CARMIL1: variants seen among roughly 807,000 people sequenced by gnomAD.
The protein encoded by CARMIL1 is F-actin-uncapping protein LRRC16A.
A neutral mutation model predicts 177.1 loss-of-function variants in CARMIL1; 90 were observed. That is an observed-to-expected ratio of 0.51 (90% CI 0.43 to 0.61). CARMIL1 has a LOEUF of 0.61. CARMIL1 is among the 20% of genes least tolerant of loss of function. The pLI is 0.00. For synonymous variants in CARMIL1, 577 were observed against 606.2 expected, an observed-to-expected ratio of 0.95 and a Z score of 0.71; for missense variants, 1,380 against 1,667.0, an observed-to-expected ratio of 0.83 and a Z score of 3.00.
chr6:25,489,979 A>G (rs1399008591), intron 13 of CARMIL1, among the ~76,000 whole-genome samples: 4 of 152,208 alleles, frequency 2.6e-5, no homozygotes, highest in African/African-American at 9.7e-5. Flanking sequence ...TAAAATAGGA[A>G]CATTAATAGT....
At chr6:25,526,278 G>T (rs1446783590) in intron 23 of CARMIL1, among the ~76,000 whole-genome samples, 1 of 151,988 alleles carries the variant, frequency 6.6e-6, no homozygotes, top group South Asian at 2.1e-4. Flanking sequence ...GGGGGGTGGA[G>T]CTTGCAGTGA....
At chr6:25,371,109 C>G (rs1480112103) in intron 2 of CARMIL1, among the ~76,000 whole-genome samples, 1 of 152,186 alleles carries the variant, frequency 6.6e-6, no homozygotes, top group Admixed American at 6.5e-5. Context: ...TGTTTTATGT[C>G]TGAGTAGTAT....
chr6:25,293,931 A>C (rs200103705), intron 2 of CARMIL1, among the ~76,000 whole-genome samples: 81 of 152,338 alleles, frequency 5.3e-4, no homozygotes, highest in Non-Finnish European at 1.0e-3. Context: ...CATGTTGCCC[A>C]GGCTGGTCTT....
intron 31 of CARMIL1, among the ~76,000 whole-genome samples, chr6:25,590,503 T>C (rs1483140930): frequency 1.3e-5 from 2 of 152,202 alleles, no homozygotes; most frequent in African/African-American, 4.8e-5. Flanking sequence ...ATAAAATTGA[T>C]TGGGAAGCTC....
In CARMIL1 at chr6:25,515,949, A is replaced by G. The variant is rs1805948275; in HGVS notation, c.1805+102A>G. ...GGGCCCGAGGGGACCTGGGCTTCCC[A>G]TGAGGCCATCTTGAGGAGAAGAGGT... On this transcript the variant is annotated intron_variant, in intron 21 of 36. Transcript: ENST00000329474. The surrounding 1 kb of genome is among the most constrained non-coding windows in gnomAD (Gnocchi z 5.0). 3 of 1,173,742 alleles carry G rather than the reference A, an allele frequency of 2.6e-6. No homozygotes were observed. Among genetic ancestry groups the G allele is most frequent in the East Asian group, 5.3e-5 (2 of 38,026 alleles). 72.7% of individuals were successfully genotyped at this position (1,173,742 alleles called of 1,614,324 possible). A position where few individuals can be genotyped will look rare whatever the true frequency, so the allele number is the denominator to read the frequency against.
intron 2 of CARMIL1, among the ~76,000 whole-genome samples, chr6:25,317,739 C>A (rs1784388875): frequency 6.6e-6 from 1 of 151,376 alleles, no homozygotes; most frequent in African/African-American, 2.4e-5. Flanking sequence ...AAAAAAAATT[C>A]TTTTTTGTAG....
chr6:25,316,660 C>T (rs1784300184), intron 2 of CARMIL1, among the ~76,000 whole-genome samples: 1 of 152,114 alleles, frequency 6.6e-6, no homozygotes, highest in South Asian at 2.1e-4. Context: ...GATCTGCCTG[C>T]CTCGGCCTCC....
intron 2 of CARMIL1, among the ~76,000 whole-genome samples, chr6:25,341,958 G>A (rs961410161): frequency 3.3e-5 from 5 of 152,170 alleles, no homozygotes; most frequent in African/African-American, 9.7e-5. Context: ...ACTTTGGTGC[G>A]GAAAAGTTTG....
At chr6:25,512,894 A>G (rs1017190801) in intron 20 of CARMIL1, among the ~76,000 whole-genome samples, 2 of 152,206 alleles carry the variant, frequency 1.3e-5, no homozygotes, top group Non-Finnish European at 2.9e-5. Flanking sequence ...GCCTGAAGCC[A>G]GGAGACAGAT....
intron 24 of CARMIL1, among the ~76,000 whole-genome samples, chr6:25,534,457 TTTTG>T (rs1381181662): frequency 2.0e-5 from 3 of 152,110 alleles, no homozygotes; most frequent in Non-Finnish European, 4.4e-5. Context: ...GGGTTTGTTC[TTTTG>T]TTTAACGATC....
At chr6:25,340,108 T>C (rs1037274666) in intron 2 of CARMIL1, among the ~76,000 whole-genome samples, 5 of 152,236 alleles carry the variant, frequency 3.3e-5, no homozygotes, top group African/African-American at 1.2e-4. Flanking sequence ...ATGTTTTCTT[T>C]AAGCCTTACC....
chr6:25,577,052 C>T lies in CARMIL1; in HGVS notation c.2743-3872C>T. On this transcript the variant is annotated intron_variant, in intron 29 of 36. Transcript: ENST00000329474. This position sits in a 1 kb window ranked among gnomAD's most constrained non-coding sequence, Gnocchi z 4.5. ...CTGTACTACTTTATATTCTTGTGCT[C>T]CATTTGCTTCTGTGCTGCCTGGCTG... The T allele has an allele frequency of 1.0e-6, 1 of 985,182 alleles. No homozygotes were observed. The highest frequency in any genetic ancestry group is 1.7e-5 in the African/African-American group (1 of 57,276). The allele number at this position is 985,182 out of a possible 1,614,324, so 61.0% of individuals were successfully genotyped here.
At chr6:25,332,628 T>C (rs1229193517) in intron 2 of CARMIL1, among the ~76,000 whole-genome samples, 1 of 152,014 alleles carries the variant, frequency 6.6e-6, no homozygotes, top group Non-Finnish European at 1.5e-5. Context: ...ATTTGGGAAA[T>C]GTTAATTTGT....
chr6:25,576,896 C>T, intron 29 of CARMIL1: 1 of 631,394 alleles, frequency 1.6e-6, no homozygotes, highest in Non-Finnish European at 2.0e-6. Flanking sequence ...TGGTATCCCT[C>T]TCCCTCCCCT....
chr6:25,417,318 T>C (rs1331707542), intron 2 of CARMIL1, among the ~76,000 whole-genome samples: 2 of 152,196 alleles, frequency 1.3e-5, no homozygotes, highest in Non-Finnish European at 2.9e-5. Flanking sequence ...GTCATGCTTC[T>C]TTTGATTATC....
intron 17 of CARMIL1, chr6:25,507,428 C>G (rs1024515837): frequency 2.0e-5 from 3 of 152,462 alleles, no homozygotes; most frequent in African/African-American, 4.8e-5. Context: ...TATTCTTGTT[C>G]TGCATACTGC....
At chr6:25,599,167 C>T (rs1815147611) in intron 32 of CARMIL1, among the ~76,000 whole-genome samples, 1 of 152,178 alleles carries the variant, frequency 6.6e-6, no homozygotes, top group Non-Finnish European at 1.5e-5. Context: ...ATGGGCTTCA[C>T]AAAGAAGAGA....
At chr6:25,388,946 G>C (rs2150522679) in intron 2 of CARMIL1, among the ~76,000 whole-genome samples, 1 of 151,976 alleles carries the variant, frequency 6.6e-6, no homozygotes, top group East Asian at 2.0e-4. Context: ...GCCTCCAAAA[G>C]TGCTGAGATT....
chr6:25,479,098 T>A (rs1562193770), intron 11 of CARMIL1: 1 of 518,936 alleles, frequency 1.9e-6, no homozygotes, highest in Non-Finnish European at 3.8e-6. Flanking sequence ...AGGCCTTTTG[T>A]TTCTCCCAGA....
Sources: gnomAD v4.1 joint callset for allele counts (sites outside exome capture counted in the v4.1 genomes callset) on GRCh38, gnomAD v4.1.1 for gene constraint, Gnocchi (gnomAD v3.1) non-coding constraint, MANE v1.5 for transcripts, NCBI Gene and HGNC (gene_info 2026-07-23, HGNC 2026-07-21) for gene names.